AAMP: variants seen among roughly 807,000 people sequenced by gnomAD.
The protein encoded by AAMP is angio-associated migratory cell protein.
Under a neutral mutation model 51.1 loss-of-function variants are expected in AAMP, and 12 were observed. That is an observed-to-expected ratio of 0.23 (90% confidence interval 0.15 to 0.38). The LOEUF is 0.38. AAMP is among the 10% of genes least tolerant of loss of function. The pLI is 1.00. For synonymous variants in AAMP, 210 were observed against 218.7 expected, an observed-to-expected ratio of 0.96 and a Z score of 0.35; for missense variants, 418 against 557.2, an observed-to-expected ratio of 0.75 and a Z score of 2.52.
In AAMP at chr2:218,265,993, C is replaced by G. The variant is rs764866640; in HGVS notation, c.764-47G>C. On this transcript the variant is annotated intron_variant, in intron 6 of 10. Transcript: ENST00000248450. The surrounding 1 kb of genome is among the most constrained non-coding windows in gnomAD (Gnocchi z 6.6). Reference sequence around the variant, plus strand: ...GCTCAGGCTTCGTCCTACCTCCCCTCTGAGTCCTGCCCCAGGTTCTCAGCC... The same window carrying G: ...GCTCAGGCTTCGTCCTACCTCCCCTGTGAGTCCTGCCCCAGGTTCTCAGCC... The G allele has an allele frequency of 6.2e-7, 1 of 1,609,412 alleles. No individual in the cohort carries two copies.
At chr2:218,269,679 G>T in intron 1 of AAMP, 145 bp from the exon 2 acceptor site, 1 of 1,399,378 alleles carries the variant, frequency 7.1e-7, no homozygotes, top group Non-Finnish European at 9.9e-7. Context: ...GGGGGCGCGC[G>T]GGACACAGGA....
rs972187024 is a variant in AAMP at position 218,266,750 on chromosome 2, G to C, written c.534+97C>G. ...GTGCCTTGGGGCGCATTGGCTCAGAGCTGGCTTGGCGCAATAAAGGCAGAA... is the reference window on the plus strand; with the variant it reads ...GTGCCTTGGGGCGCATTGGCTCAGACCTGGCTTGGCGCAATAAAGGCAGAA... On this transcript the variant is annotated intron_variant, in intron 4 of 10. Transcript: ENST00000248450. The surrounding 1 kb of genome is among the most constrained non-coding windows in gnomAD (Gnocchi z 4.7). 8 of 1,580,024 alleles carry C rather than the reference G, an allele frequency of 5.1e-6. No homozygotes were observed. The South Asian group carries it at 9.2e-5, about 18-fold the overall frequency.
intron 10 of AAMP, 82 bp downstream of exon 10, chr2:218,264,938 A>G: frequency 6.3e-7 from 1 of 1,587,472 alleles, no homozygotes; most frequent in South Asian, 1.1e-5. Flanking sequence ...CCCTTCCCAC[A>G]CCCCAAGGAT....
chr2:218,268,312 A>G (rs929386771), intron 2 of AAMP, among the ~76,000 whole-genome samples: 3 of 151,686 alleles, frequency 2.0e-5, no homozygotes, highest in African/African-American at 4.8e-5. Flanking sequence ...TATATAAAAT[A>G]TGCTCAAAAA....
In AAMP at chr2:218,269,996, C is replaced by T; in HGVS notation, c.91G>A (p.Val31Ile). 1 of 1,614,142 alleles carries T rather than the reference C, an allele frequency of 6.2e-7. No individual in the cohort carries two copies. Among genetic ancestry groups the T allele is most frequent in the South Asian group, 1.1e-5 (1 of 91,082 alleles). Residue 31 changes from valine to isoleucine, a missense_variant, in exon 1 of 11, where the codon GTA (valine) becomes ATA (isoleucine). Val to Ile is a conservative substitution (Grantham distance 29, BLOSUM62 3). Coordinates refer to ENST00000248450, the MANE Select transcript of AAMP (RefSeq NM_001087.5). ...FHGDEEIIEV[V>I]ELDPGPPDPD... is the part of the protein sequence containing the mutation. Reference sequence around the variant, plus strand: ...TCCGGCGGACCGGGATCAAGTTCTACCACCTCGATAATCTCTTCATCACCA... The same window carrying T: ...TCCGGCGGACCGGGATCAAGTTCTATCACCTCGATAATCTCTTCATCACCA...
In AAMP at chr2:218,266,207, G is replaced by C; in HGVS notation, c.680-60C>G. ...GCACGCTCACATACACTAAGCAAGG[G>C]AATGGGGAGAGGGAGAGGAAAGAAG... On this transcript the variant is annotated intron_variant, in intron 5 of 10. Transcript: ENST00000248450. The surrounding 1 kb of genome is among the most constrained non-coding windows in gnomAD (Gnocchi z 4.7). 6.7e-7 allele frequency: 1 copy of C among 1,501,738 alleles called. No homozygotes were observed. The highest frequency in any genetic ancestry group is 9.3e-7 in the Non-Finnish European group (1 of 1,079,110). 93.0% of individuals were successfully genotyped at this position (1,501,738 alleles called of 1,614,324 possible).
Position 218,265,764 on chromosome 2 carries a change from A to AT in AAMP, c.879+66_879+67insA. 6.4e-7 allele frequency: 1 copy of AT among 1,574,360 alleles called. No homozygotes were observed. The highest frequency in any genetic ancestry group is 8.7e-7 in the Non-Finnish European group (1 of 1,147,152). On this transcript the variant is annotated intron_variant, in intron 7 of 10. Coordinates refer to ENST00000248450, the MANE Select transcript of AAMP (RefSeq NM_001087.5). This position sits in a 1 kb window ranked among gnomAD's most constrained non-coding sequence, Gnocchi z 6.6. ...AAGACGGTGGGGAGAGGAGACAGTG[A>AT]AGACCCAGGAAGGAAGGAGAGGAGT...
In AAMP at chr2:218,265,380, A is replaced by C. The variant is rs1235710271; in HGVS notation, c.1065T>G (p.Cys355Trp). The C allele has an allele frequency of 6.4e-7, 1 of 1,558,756 alleles. No homozygotes were observed. The highest frequency in any genetic ancestry group is 1.2e-5 in the South Asian group (1 of 85,132). ...DLATQTLRHQ[C>W]QHQSGIVQLL... The stretch of plus-strand genomic sequence containing the variant: ...CTCCAGCTGCCCATACCTGGTGCTG[A>C]CACTGATGCCTAAGAGTCTGCGTAG... The change falls in exon 9 of 11, where the codon TGT (cysteine) becomes TGG (tryptophan). Residue 355 changes from cysteine to tryptophan, a missense_variant. By Grantham distance (215) the Cys-to-Trp change is radical. Transcript: ENST00000248450. The surrounding 1 kb of genome is among the most constrained non-coding windows in gnomAD (Gnocchi z 6.6).
Position 218,266,964 on chromosome 2 carries a change from A to G in AAMP, c.417T>C (p.Cys139=), listed in dbSNP as rs765189726. The G allele has an allele frequency of 2.5e-6, 4 of 1,614,224 alleles. No individual in the cohort carries two copies. The highest frequency in any genetic ancestry group is 1.6e-4 in the Middle Eastern group (1 of 6,062). Residue 139 remains cysteine (C), a synonymous_variant, in exon 4 of 11, where the codon TGT becomes TGC. Transcript: ENST00000248450. The surrounding 1 kb of genome is among the most constrained non-coding windows in gnomAD (Gnocchi z 4.7). ...ECAGHKDSVT[C]AGFSHDSTLV... is the part of the protein sequence containing the mutation. The stretch of plus-strand genomic sequence containing the variant: ...GAGTGGAGTCATGGCTGAAACCAGC[A>G]CAAGTCACAGAGTCTTTATGGCCTT...
chr2:218,266,328 A>C lies in AAMP; in HGVS notation c.679+115T>G. On this transcript the variant is annotated intron_variant, in intron 5 of 10. Transcript: ENST00000248450. This position sits in a 1 kb window ranked among gnomAD's most constrained non-coding sequence, Gnocchi z 4.7. ...TTGGGGCCCAGGAGGTCAGCACTGCAAACAGCAGGCCTCAGATTTTGCCGG... is the reference window on the plus strand; with the variant it reads ...TTGGGGCCCAGGAGGTCAGCACTGCCAACAGCAGGCCTCAGATTTTGCCGG... The C allele has an allele frequency of 6.8e-7, 1 of 1,479,024 alleles. No homozygotes were observed. Among genetic ancestry groups the C allele is most frequent in the South Asian group, 1.3e-5 (1 of 79,086 alleles). 91.6% of individuals were successfully genotyped at this position (1,479,024 alleles called of 1,614,324 possible). A position where few individuals can be genotyped will look rare whatever the true frequency, so the allele number is the denominator to read the frequency against.
intron 10 of AAMP, 25 bp from the exon 11 acceptor site, chr2:218,264,633 CAG>C (rs1690576985): frequency 5.0e-6 from 8 of 1,610,412 alleles, no homozygotes; most frequent in Non-Finnish European, 6.8e-6. Context: ...CATGTGATTG[CAG>C]AGACTGGGGG....
chr2:218,270,115 G>A lies in AAMP; in HGVS notation c.-29C>T. On this transcript the variant is annotated 5_prime_UTR_variant, in exon 1 of 11. Transcript: ENST00000248450. ...GCGCAAGCGGCGGATCCACTTCTCTGGGCCCAAACGCCTCCCAGAGTCAGC... is the reference window on the plus strand; with the variant it reads ...GCGCAAGCGGCGGATCCACTTCTCTAGGCCCAAACGCCTCCCAGAGTCAGC... 1 of 1,611,614 alleles carries A rather than the reference G, an allele frequency of 6.2e-7. No individual in the cohort carries two copies. Among genetic ancestry groups the A allele is most frequent in the Non-Finnish European group, 8.5e-7 (1 of 1,178,812 alleles).
chr2:218,264,399 A>G lies in AAMP; in HGVS notation c.*134T>C. 1 of 829,416 alleles carries G rather than the reference A, an allele frequency of 1.2e-6. No individual in the cohort carries two copies. Among genetic ancestry groups the G allele is most frequent in the Non-Finnish European group, 2.0e-6 (1 of 493,592 alleles). 51.4% of individuals were successfully genotyped at this position (829,416 alleles called of 1,614,324 possible). ...GAAGAAAAGGAGAGGGGAGCAAGTC[A>G]GTTGAAGAGGCTGGAAAGTCATCCA... On this transcript the variant is annotated 3_prime_UTR_variant, in exon 11 of 11. Coordinates refer to ENST00000248450, the MANE Select transcript of AAMP (RefSeq NM_001087.5).
rs1559491890 is a variant in AAMP at position 218,264,680 on chromosome 2, C to T, written c.1230-72G>A. On this transcript the variant is annotated intron_variant, in intron 10 of 10. Transcript: ENST00000248450. ...CACCACCTAGGGGCCCTAGGGTGGG[C>T]TCCTCCAGCACACCCTCAGTTCTAG... 6 of 1,359,624 alleles carry T rather than the reference C, an allele frequency of 4.4e-6. No homozygotes were observed. In the South Asian group the frequency reaches 7.0e-5, roughly 16 times the overall value. 84.2% of individuals were successfully genotyped at this position (1,359,624 alleles called of 1,614,324 possible). A position where few individuals can be genotyped will look rare whatever the true frequency, so the allele number is the denominator to read the frequency against.
In AAMP at chr2:218,265,232, T is replaced by C; in HGVS notation, c.1075-58A>G. On this transcript the variant is annotated intron_variant, in intron 9 of 10. Transcript: ENST00000248450. This position sits in a 1 kb window ranked among gnomAD's most constrained non-coding sequence, Gnocchi z 6.6. ...GTTGGCAGGAGAGCTGAGAGCCATC[T>C]GCTCCCAATTCTCAAAGAGGGACAG... 1 of 1,563,590 alleles carries C rather than the reference T, an allele frequency of 6.4e-7. No homozygotes were observed. Among genetic ancestry groups the C allele is most frequent in the Non-Finnish European group, 8.7e-7 (1 of 1,154,094 alleles).
At position 218,265,190 on chromosome 2, in the gene AAMP, A is replaced by C; in HGVS notation, c.1075-16T>G. 1 of 1,574,760 alleles carries C rather than the reference A, an allele frequency of 6.4e-7. No homozygotes were observed. The highest frequency in any genetic ancestry group is 1.3e-5 in the African/African-American group (1 of 74,208). On this transcript the variant is annotated splice_polypyrimidine_tract_variant and intron_variant, in intron 9 of 10. Transcript: ENST00000248450. This position sits in a 1 kb window ranked among gnomAD's most constrained non-coding sequence, Gnocchi z 6.6. ...CGATGCCCGACTGCCCCGAGGAATGACAGAGGCAGGGCGGAGGTTGGCAGG... is the reference window on the plus strand; with the variant it reads ...CGATGCCCGACTGCCCCGAGGAATGCCAGAGGCAGGGCGGAGGTTGGCAGG...
chr2:218,269,296 C>T, intron 2 of AAMP, 86 bp downstream of exon 2: 1 of 1,545,404 alleles, frequency 6.5e-7, no homozygotes, highest in Non-Finnish European at 8.9e-7. Flanking sequence ...ATCTCTGTGT[C>T]CCCCATAACG....
In AAMP at chr2:218,270,033, G is replaced by A. The variant is rs1178065286; in HGVS notation, c.54C>T (p.Thr18=). The change falls in exon 1 of 11, where the codon ACC becomes ACT. Residue 18 remains threonine, a synonymous_variant. Coordinates refer to ENST00000248450, the MANE Select transcript of AAMP (RefSeq NM_001087.5). The part of the protein sequence containing the change: ...GAAADTPPLE[T]LSFHGDEEII... The stretch of plus-strand genomic sequence containing the variant: ...TCTCTTCATCACCATGGAAGCTTAG[G>A]GTCTCCAGTGGGGGGGTGTCAGCAG... 54 of 1,614,026 alleles carry A rather than the reference G, an allele frequency of 3.3e-5. No individual in the cohort carries two copies. The highest frequency in any genetic ancestry group is 4.5e-5 in the Non-Finnish European group (53 of 1,180,018).
At position 218,265,975 on chromosome 2, in the gene AAMP, C is replaced by T. The variant is rs773153117; in HGVS notation, c.764-29G>A. 2 of 1,610,512 alleles carry T rather than the reference C, an allele frequency of 1.2e-6. No individual in the cohort carries two copies. Among genetic ancestry groups the T allele is most frequent in the East Asian group, 2.2e-5 (1 of 44,848 alleles). The stretch of plus-strand genomic sequence containing the variant: ...GCATAGAGCAGGGAGGCAGCTCAGG[C>T]TTCGTCCTACCTCCCCTCTGAGTCC... On this transcript the variant is annotated intron_variant, in intron 6 of 10. Transcript: ENST00000248450. This position sits in a 1 kb window ranked among gnomAD's most constrained non-coding sequence, Gnocchi z 6.6.
Sources: allele counts gnomAD v4.1 joint callset (sites outside exome capture counted in the v4.1 genomes callset), GRCh38; gene constraint gnomAD v4.1.1; non-coding constraint Gnocchi (gnomAD v3.1); transcripts MANE v1.5; gene names NCBI Gene and HGNC (gene_info 2026-07-23, HGNC 2026-07-21).